XYLT2: variants seen among roughly 807,000 people sequenced by gnomAD.
The protein encoded by XYLT2 is UDP-D-xylose:proteoglycan core protein beta-D-xylosyltransferase.
In XYLT2, 37 loss-of-function variants were observed where a neutral mutation model predicts 82.6. That is an observed-to-expected ratio of 0.45 (90% CI 0.34 to 0.59). The LOEUF (loss-of-function observed/expected upper bound fraction) is 0.59, where lower values mean the gene tolerates loss of function less well. Ranked by LOEUF, XYLT2 falls within the 20% of genes least tolerant of loss-of-function variation. XYLT2 has a pLI of 0.01. For missense variants in XYLT2, 934 were observed against 1,181.3 expected (o/e 0.79, Z 3.07); for synonymous variants, 474 against 499.0 (o/e 0.95, Z 0.67).
In XYLT2 at chr17:50,354,860, G is replaced by A. The variant is rs138933160; in HGVS notation, c.811G>A (p.Asp271Asn). 7.3e-5 allele frequency: 118 copies of A among 1,613,420 alleles called. 1 individual carries two copies. The East Asian group carries it at 7.4e-4, about 10-fold the overall frequency. ...AGTGTCTCCTCCCCACCAGCGTTCC[G>A]ACTACCTGCACCGGGAGGTGGTGGA... ...FFYIHVDKRS[D>N]YLHREVVELA... Residue 271 changes from aspartate (D) to asparagine (N), a missense_variant, in exon 4 of 11, where the codon GAC (aspartate) becomes AAC (asparagine). Asp to Asn is a conservative substitution (Grantham distance 23). Coordinates refer to ENST00000017003, the MANE Select transcript of XYLT2 (RefSeq NM_022167.4).
chr17:50,359,763 G>T lies in XYLT2; in HGVS notation c.2276-206G>T, dbSNP rs147520833. 6 of 581,276 alleles carry T rather than the reference G, an allele frequency of 1.0e-5. No homozygotes were observed. In the East Asian group the frequency reaches 1.4e-4, roughly 14 times the overall value. 36.0% of individuals were successfully genotyped at this position (581,276 alleles called of 1,614,324 possible). On this transcript the variant is annotated intron_variant, in intron 10 of 10. Transcript: ENST00000017003. ...ACTGCTTTACTGCATCCTAAAGTTG[G>T]GAATCTAAGGCTTACTGCCTTGATT...
At chr17:50,349,800 C>T (rs892590769) in intron 1 of XYLT2, among the ~76,000 whole-genome samples, 1 of 152,046 alleles carries the variant, frequency 6.6e-6, no homozygotes, top group Non-Finnish European at 1.5e-5. Context: ...CCAACCCAGC[C>T]GAGTCCAAGA....
Position 50,346,285 on chromosome 17 carries a change from CGGCCGGGCGGGCGGGCA to C in XYLT2, c.135+20_135+36del. ...GGACGAGGCGGGCGAGGTGCTCCGA[CGGCCGGGCGGGCGGGCA>C]GGCCGGGCGCGGGGGCGCGCGGGGT... On this transcript the variant is annotated intron_variant, in intron 1 of 10. Transcript: ENST00000017003. The surrounding 1 kb of genome is among the most constrained non-coding windows in gnomAD (Gnocchi z 5.1). 5 of 1,094,630 alleles carry C rather than the reference CGGCCGGGCGGGCGGGCA, an allele frequency of 4.6e-6. No homozygotes were observed. The highest frequency in any genetic ancestry group is 5.6e-6 in the Non-Finnish European group (5 of 893,818). The allele number at this position is 1,094,630 out of a possible 1,614,324, so 67.8% of individuals were successfully genotyped here.
chr17:50,346,519 CG>C lies in XYLT2; in HGVS notation c.135+250del. 3 of 876,180 alleles carry C rather than the reference CG, an allele frequency of 3.4e-6. No individual in the cohort carries two copies. The highest frequency in any genetic ancestry group is 4.1e-6 in the Non-Finnish European group (3 of 730,390). The allele number at this position is 876,180 out of a possible 1,614,324, so 54.3% of individuals were successfully genotyped here. A position where few individuals can be genotyped will look rare whatever the true frequency, so the allele number is the denominator to read the frequency against. The stretch of plus-strand genomic sequence containing the variant: ...GGGCCCTGGTGGATTGGGAGTCGGG[CG>C]GGGGGAGCAGGTCATGCTAGGGTGG... On this transcript the variant is annotated intron_variant, in intron 1 of 10. Coordinates refer to ENST00000017003, the MANE Select transcript of XYLT2 (RefSeq NM_022167.4). This position sits in a 1 kb window ranked among gnomAD's most constrained non-coding sequence, Gnocchi z 5.1.
chr17:50,353,666 G>A lies in XYLT2; in HGVS notation c.172G>A (p.Gly58Ser), dbSNP rs771984423. Residue 58 changes from glycine to serine, a missense_variant, in exon 2 of 11, where the codon GGC becomes AGC. Around this residue, in one of 3 missense-constraint regions of XYLT2, gnomAD observed 371 missense variants for 394.9 expected, o/e 0.94. Coordinates refer to ENST00000017003, the MANE Select transcript of XYLT2 (RefSeq NM_022167.4). ...RQRKPRPLDPGEGSKDTDSSA... is the reference protein window; with the variant it reads ...RQRKPRPLDPSEGSKDTDSSA... ...GAGGAAGCCACGGCCACTGGACCCTGGCGAGGGTTCCAAGGACACAGACAG... is the reference window on the plus strand; with the variant it reads ...GAGGAAGCCACGGCCACTGGACCCTAGCGAGGGTTCCAAGGACACAGACAG... The A allele has an allele frequency of 1.3e-6, 2 of 1,567,348 alleles. No homozygotes were observed. Among genetic ancestry groups the A allele is most frequent in the South Asian group, 2.3e-5 (2 of 85,496 alleles).
chr17:50,350,660 C>T (rs987860133), intron 1 of XYLT2, among the ~76,000 whole-genome samples: 39 of 152,100 alleles, frequency 2.6e-4, no homozygotes, highest in African/African-American at 9.2e-4. Flanking sequence ...AAGCCCTGCC[C>T]TTGGGGAACT....
rs1912061536 is a variant in XYLT2, at chr17:50,346,764, G to T, written c.135+489G>T. ...GGGCAGCGGCCGGTGAGGAAGGGGA[G>T]CTCGGGGGTGGAATTCAGGCCTGGG... On this transcript the variant is annotated intron_variant, in intron 1 of 10. Coordinates refer to ENST00000017003, the MANE Select transcript of XYLT2 (RefSeq NM_022167.4). This position sits in a 1 kb window ranked among gnomAD's most constrained non-coding sequence, Gnocchi z 5.1. The T allele has an allele frequency of 1.0e-6, 1 of 985,404 alleles. No individual in the cohort carries two copies. The highest frequency in any genetic ancestry group is 1.2e-6 in the Non-Finnish European group (1 of 829,910). 61.0% of individuals were successfully genotyped at this position (985,404 alleles called of 1,614,324 possible).
rs748868891 is a variant in XYLT2, at chr17:50,355,852, G to A, written c.1160G>A (p.Arg387Gln). 1 of 1,614,258 alleles carries A rather than the reference G, an allele frequency of 6.2e-7. No homozygotes were observed. The highest frequency in any genetic ancestry group is 8.5e-7 in the Non-Finnish European group (1 of 1,180,052). The change falls in exon 6 of 11, where the codon CGG (arginine) becomes CAG (glutamine). Residue 387 changes from arginine to glutamine, a missense_variant. Around this residue, in one of 3 missense-constraint regions of XYLT2, gnomAD observed 189 missense variants for 320.8 expected, o/e 0.59. Coordinates refer to ENST00000017003, the MANE Select transcript of XYLT2 (RefSeq NM_022167.4). ...CDSHMWRLGE[R>Q]QIPAGIVVDG... ...TCACACATGTGGCGCCTGGGCGAGC[G>A]GCAGATCCCAGCAGGCATTGTGGTG... is the stretch of plus-strand genomic sequence containing the variant.
chr17:50,346,557 G>A lies in XYLT2; in HGVS notation c.135+282G>A, dbSNP rs1261504020. 1.0e-6 allele frequency: 1 copy of A among 964,672 alleles called. No individual in the cohort carries two copies. The highest frequency in any genetic ancestry group is 1.8e-5 in the African/African-American group (1 of 56,914). The allele number at this position is 964,672 out of a possible 1,614,324, so 59.8% of individuals were successfully genotyped here. A position where few individuals can be genotyped will look rare whatever the true frequency, so the allele number is the denominator to read the frequency against. On this transcript the variant is annotated intron_variant, in intron 1 of 10. Transcript: ENST00000017003. The surrounding 1 kb of genome is among the most constrained non-coding windows in gnomAD (Gnocchi z 5.1). Reference sequence around the variant, plus strand: ...TCATGCTAGGGTGGTCTCCGGCCAAGGGAGCGATGAAGGTCAGGCGCGGCG... The same window carrying A: ...TCATGCTAGGGTGGTCTCCGGCCAAAGGAGCGATGAAGGTCAGGCGCGGCG...
Position 50,354,444 on chromosome 17 carries a change from A to G in XYLT2, c.665A>G (p.Gln222Arg). 6.2e-7 allele frequency: 1 copy of G among 1,611,644 alleles called. No individual in the cohort carries two copies. Among genetic ancestry groups the G allele is most frequent in the Non-Finnish European group, 8.5e-7 (1 of 1,179,628 alleles). Residue 222 changes from glutamine to arginine, a missense_variant, in exon 3 of 11, where the codon CAA becomes CGA. Around this residue, in one of 3 missense-constraint regions of XYLT2, gnomAD observed 371 missense variants for 394.9 expected, o/e 0.94. Transcript: ENST00000017003. ...CCCGGCATCCAGTGGGATGAGAGCC[A>G]AGCCCAGCAGCCCATGGATGGCCCC... ...MSPGIQWDES[Q>R]AQQPMDGPPV...
In XYLT2 at chr17:50,360,571, C is replaced by CATT; in HGVS notation, c.*280_*281insATT. The CATT allele has an allele frequency of 1.0e-6, 1 of 976,916 alleles. No homozygotes were observed. The highest frequency in any genetic ancestry group is 7.0e-5 in the Admixed American group (1 of 14,308). The allele number at this position is 976,916 out of a possible 1,614,324, so 60.5% of individuals were successfully genotyped here. ...TGTCTAGTTTGAATTTCTTTTTTTT[C>CATT]TTTTTTTTTTTTTTTTTTTAATTTA... On this transcript the variant is annotated 3_prime_UTR_variant, in exon 11 of 11. Coordinates refer to ENST00000017003, the MANE Select transcript of XYLT2 (RefSeq NM_022167.4).
chr17:50,348,295 A>C (rs1177188372), intron 1 of XYLT2, among the ~76,000 whole-genome samples: 1 of 152,250 alleles, frequency 6.6e-6, no homozygotes, highest in East Asian at 1.9e-4. Flanking sequence ...TCAGGGGGTC[A>C]GGAAAGGCTT....
Position 50,346,153 on chromosome 17 carries a change from G to T in XYLT2, c.13G>T (p.Ala5Ser). MVAS[A>S]RVQKLVRRYK... ...CCCGGGCAGGAAGATGGTGGCGAGC[G>T]CGCGAGTGCAGAAGCTGGTGCGGCG... Residue 5 changes from alanine (A) to serine (S), a missense_variant, in exon 1 of 11, where the codon GCG (alanine) becomes TCG (serine). By Grantham distance (99) the Ala-to-Ser change is moderately conservative (BLOSUM62 1). Around this residue, in one of 3 missense-constraint regions of XYLT2, gnomAD observed 371 missense variants for 394.9 expected, o/e 0.94. Transcript: ENST00000017003. This position sits in a 1 kb window ranked among gnomAD's most constrained non-coding sequence, Gnocchi z 5.1. 7.9e-7 allele frequency: 1 copy of T among 1,263,956 alleles called. No individual in the cohort carries two copies. The highest frequency in any genetic ancestry group is 1.5e-5 in the South Asian group (1 of 64,648). The allele number at this position is 1,263,956 out of a possible 1,614,324, so 78.3% of individuals were successfully genotyped here.
chr17:50,347,268 G>A (rs1912081882), intron 1 of XYLT2, among the ~76,000 whole-genome samples: 1 of 151,922 alleles, frequency 6.6e-6, no homozygotes, highest in African/African-American at 2.4e-5. Context: ...AGGGCTCCGG[G>A]TCAGAGACTC....
At chr17:50,347,124 G>A (rs1912076624) in intron 1 of XYLT2, among the ~76,000 whole-genome samples, 1 of 152,188 alleles carries the variant, frequency 6.6e-6, no homozygotes, top group Admixed American at 6.5e-5. Context: ...ACACCTCAGC[G>A]GTGTGGTGAG....
Position 50,360,825 on chromosome 17 carries a change from G to A in XYLT2, c.*534G>A. The A allele has an allele frequency of 1.0e-6, 1 of 985,974 alleles. No homozygotes were observed. Among genetic ancestry groups the A allele is most frequent in the Non-Finnish European group, 1.2e-6 (1 of 830,062 alleles). The allele number at this position is 985,974 out of a possible 1,614,324, so 61.1% of individuals were successfully genotyped here. On this transcript the variant is annotated 3_prime_UTR_variant, in exon 11 of 11. Transcript: ENST00000017003. ...CACAGGGCTGCAAGTGCCCTGCCAGGCTCTAAGGCCCGAAGAACAGGTGAT... is the reference window on the plus strand; with the variant it reads ...CACAGGGCTGCAAGTGCCCTGCCAGACTCTAAGGCCCGAAGAACAGGTGAT...
In XYLT2 at chr17:50,346,535, T is replaced by A; in HGVS notation, c.135+260T>A. On this transcript the variant is annotated intron_variant, in intron 1 of 10. Transcript: ENST00000017003. This position sits in a 1 kb window ranked among gnomAD's most constrained non-coding sequence, Gnocchi z 5.1. ...GGAGTCGGGCGGGGGGAGCAGGTCA[T>A]GCTAGGGTGGTCTCCGGCCAAGGGA... 1.1e-6 allele frequency: 1 copy of A among 925,162 alleles called. No homozygotes were observed. The highest frequency in any genetic ancestry group is 1.3e-6 in the Non-Finnish European group (1 of 775,074). The allele number at this position is 925,162 out of a possible 1,614,324, so 57.3% of individuals were successfully genotyped here. A position where few individuals can be genotyped will look rare whatever the true frequency, so the allele number is the denominator to read the frequency against.
At chr17:50,350,673 C>A (rs1308343500) in intron 1 of XYLT2, among the ~76,000 whole-genome samples, 2 of 152,048 alleles carry the variant, frequency 1.3e-5, no homozygotes, top group Non-Finnish European at 2.9e-5. Flanking sequence ...GGGGAACTTA[C>A]AATCTTCTGA....
chr17:50,358,220 G>C lies in XYLT2; in HGVS notation c.1955G>C (p.Trp652Ser). Reference sequence around the variant, plus strand: ...CTCTCTCTACAGGTTGGCACTGATTGGGACCCCAAAGAGCGTCTTTTCCGG... The same window carrying C: ...CTCTCTCTACAGGTTGGCACTGATTCGGACCCCAAAGAGCGTCTTTTCCGG... ...RLQSLEVGTD[W>S]DPKERLFRNF... Residue 652 changes from tryptophan to serine, a missense_variant, in exon 10 of 11, where the codon TGG (tryptophan) becomes TCG (serine). By Grantham distance (177) the Trp-to-Ser change is radical. Around this residue, in one of 3 missense-constraint regions of XYLT2, gnomAD observed 374 missense variants for 465.6 expected, o/e 0.80. Transcript: ENST00000017003. 6.2e-7 allele frequency: 1 copy of C among 1,605,442 alleles called. No homozygotes were observed.
Sources: gnomAD v4.1 joint callset for allele counts (sites outside exome capture counted in the v4.1 genomes callset) on GRCh38, gnomAD v4.1.1 for gene constraint, gnomAD v4.1.1 regional missense constraint, Gnocchi (gnomAD v3.1) non-coding constraint, MANE v1.5 for transcripts, NCBI Gene and HGNC (gene_info 2026-07-23, HGNC 2026-07-21) for gene names.